NRXN1: variants seen among roughly 807,000 people sequenced by gnomAD.
The protein encoded by NRXN1 is neurexin-1.
NRXN1 carries 39 observed loss-of-function variants against 150.9 expected under a neutral mutation model. The observed-to-expected ratio is 0.26, with a 90% CI of 0.20 to 0.34. NRXN1 has a LOEUF of 0.34. Ranked by LOEUF, NRXN1 falls within the 10% of genes least tolerant of loss-of-function variation. NRXN1 has a pLI of 1.00. For synonymous variants in NRXN1, 924 were observed against 757.0 expected (o/e 1.22, Z -3.62); for missense variants, 1,815 against 1,949.9 (o/e 0.93, Z 1.30).
chr2:50,193,113 A>T (rs2061549489), intron 18 of NRXN1, among the ~76,000 whole-genome samples: 1 of 152,110 alleles, frequency 6.6e-6, no homozygotes, highest in Non-Finnish European at 1.5e-5. Flanking sequence ...GCATTCCTTT[A>T]CTTATTCAGC....
chr2:50,379,273 A>T (rs987775978), intron 17 of NRXN1, among the ~76,000 whole-genome samples: 3 of 152,190 alleles, frequency 2.0e-5, no homozygotes, highest in Admixed American at 2.0e-4. Context: ...AAGCCCTATC[A>T]GTCAGTATAC....
chr2:50,267,415 T>G (rs751177085), intron 17 of NRXN1, among the ~76,000 whole-genome samples: 27 of 152,158 alleles, frequency 1.8e-4, no homozygotes, highest in Non-Finnish European at 2.9e-5. Context: ...TTCTTCAAAG[T>G]AAGAAAGAAC....
In NRXN1 at chr2:50,538,311, C is replaced by G. The variant is rs1553759318; in HGVS notation, c.2085G>C (p.Trp695Cys). 1 of 1,613,818 alleles carries G rather than the reference C, an allele frequency of 6.2e-7. No homozygotes were observed. The highest frequency in any genetic ancestry group is 1.3e-5 in the African/African-American group (1 of 74,920). ...CKNNGMCRDG[W>C]NRYVCDCSGT... ...CGGAACAATCACAGACATATCTGTT[C>G]CACCCATCCCTGCACATGCCATTGT... The change falls in exon 10 of 23, where the codon TGG (tryptophan) becomes TGC (cysteine). Residue 695 changes from tryptophan to cysteine, a missense_variant. By Grantham distance (215) the Trp-to-Cys change is radical. Transcript: ENST00000401669.
At chr2:50,536,116 T>C (rs532009894) in intron 10 of NRXN1, among the ~76,000 whole-genome samples, 3 of 152,266 alleles carry the variant, frequency 2.0e-5, no homozygotes, top group East Asian at 1.9e-4. Context: ...TAGGGCATAA[T>C]AGCCACGAAC....
chr2:50,563,633 T>C (rs1011287700), intron 8 of NRXN1, among the ~76,000 whole-genome samples: 1 of 152,198 alleles, frequency 6.6e-6, no homozygotes, highest in Non-Finnish European at 1.5e-5. Context: ...ACACTGCTAT[T>C]GTTCAGAGGG....
intron 2 of NRXN1, among the ~76,000 whole-genome samples, chr2:50,945,829 TC>T: frequency 6.7e-6 from 1 of 150,348 alleles, no homozygotes; most frequent in African/African-American, 2.4e-5. Flanking sequence ...CACGACTTTA[TC>T]GTAAGAAACA....
intron 18 of NRXN1, among the ~76,000 whole-genome samples, chr2:50,096,113 G>T (rs1460092884): frequency 6.6e-6 from 1 of 151,890 alleles, no homozygotes; most frequent in Admixed American, 6.6e-5. Context: ...AGCTAGAATG[G>T]AACTGAAGGC....
chr2:50,846,253 G>A (rs1161878248), intron 5 of NRXN1, among the ~76,000 whole-genome samples: 1 of 152,060 alleles, frequency 6.6e-6, no homozygotes, highest in Non-Finnish European at 1.5e-5. Flanking sequence ...TGGTCTTACT[G>A]AATTCTCAGC....
chr2:50,285,906 A>G (rs1418280182), intron 17 of NRXN1, among the ~76,000 whole-genome samples: 6 of 152,082 alleles, frequency 3.9e-5, no homozygotes, highest in Admixed American at 2.6e-4. Flanking sequence ...GCATGATGGA[A>G]TAAGGTATTC....
chr2:50,585,604 T>A (rs1373269643), intron 8 of NRXN1, among the ~76,000 whole-genome samples: 1 of 152,160 alleles, frequency 6.6e-6, no homozygotes, highest in Non-Finnish European at 1.5e-5. Flanking sequence ...TAAAGTACTT[T>A]ACCTAATACT....
intron 5 of NRXN1, among the ~76,000 whole-genome samples, chr2:50,883,356 A>C (rs1679739517): frequency 6.6e-6 from 1 of 151,354 alleles, no homozygotes; most frequent in Non-Finnish European, 1.5e-5. Flanking sequence ...TGCTTTTGTT[A>C]ATTGAAGTTT....
At position 50,998,294 on chromosome 2, in the gene NRXN1, T is replaced by A. The variant is rs1432573758; in HGVS notation, c.772+29208A>T. Reference sequence around the variant, plus strand: ...TACAGAATATAGTAATATCACATATTTTGCAACTGTGTCCACAATTAAGAC... The same window carrying A: ...TACAGAATATAGTAATATCACATATATTGCAACTGTGTCCACAATTAAGAC... On this transcript the variant is annotated intron_variant, in intron 2 of 22. Transcript: ENST00000401669. 2.8e-5 allele frequency among the ~76,000 whole-genome samples: 4 copies of A among 142,088 alleles called. 2 individuals are homozygous for A. The highest frequency in any genetic ancestry group is 1.2e-4 in the African/African-American group (4 of 34,024). The allele number at this position is 142,088 out of a possible 152,430, so 93.2% of individuals were successfully genotyped here.
At chr2:50,966,389 G>A (rs1694085093) in intron 2 of NRXN1, among the ~76,000 whole-genome samples, 1 of 150,838 alleles carries the variant, frequency 6.6e-6, no homozygotes, top group African/African-American at 2.4e-5. Context: ...TAGCATTCCT[G>A]TAGCCTGTAG....
At chr2:49,998,866 C>T (rs1683433843) in intron 21 of NRXN1, among the ~76,000 whole-genome samples, 2 of 152,092 alleles carry the variant, frequency 1.3e-5, no homozygotes, top group Non-Finnish European at 2.9e-5. Flanking sequence ...CACTGGCATG[C>T]TGTATGTGGG....
At chr2:50,512,262 G>C (rs1385790764) in intron 12 of NRXN1, among the ~76,000 whole-genome samples, 1 of 152,104 alleles carries the variant, frequency 6.6e-6, no homozygotes, top group Non-Finnish European at 1.5e-5. Flanking sequence ...AGTAGGCAGA[G>C]AGCAGACCAA....
At chr2:50,151,386 A>G (rs1294837216) in intron 18 of NRXN1, among the ~76,000 whole-genome samples, 5 of 151,774 alleles carry the variant, frequency 3.3e-5, no homozygotes, top group East Asian at 3.9e-4. Context: ...AAAATCAATG[A>G]AAGTGACAGA....
At chr2:50,606,904 G>A (rs544488437) in intron 8 of NRXN1, among the ~76,000 whole-genome samples, 51 of 152,080 alleles carry the variant, frequency 3.4e-4, no homozygotes, top group East Asian at 7.7e-4. Flanking sequence ...ATTGCTTCGC[G>A]TGTTATGTGT....
intron 17 of NRXN1, among the ~76,000 whole-genome samples, chr2:50,358,848 G>C (rs1558593778): frequency 6.6e-6 from 1 of 152,194 alleles, no homozygotes. Flanking sequence ...CTGGCATCTG[G>C]CAGGTGTCCC....
chr2:50,761,165 GTTTAT>G (rs141443109), intron 5 of NRXN1, among the ~76,000 whole-genome samples: 6,346 of 151,948 alleles, frequency 0.042, 185 homozygotes, highest in East Asian at 0.16. Flanking sequence ...CCCTTTTTGG[GTTTAT>G]TTTATTTTTT....
Sources: allele counts gnomAD v4.1 joint callset (sites outside exome capture counted in the v4.1 genomes callset), GRCh38; gene constraint gnomAD v4.1.1; transcripts MANE v1.5; gene names NCBI Gene and HGNC (gene_info 2026-07-23, HGNC 2026-07-21).